The following SHC2 variants were observed in gnomAD, a reference collection of about 807,000 sequenced individuals.
SHC2 encodes SHC adaptor protein 2.
In SHC2, 62 loss-of-function variants were observed where a neutral mutation model predicts 60.6. The observed-to-expected ratio is 1.02, with a 90% CI of 0.83 to 1.26. The LOEUF (loss-of-function observed/expected upper bound fraction) is 1.26, where lower values mean the gene tolerates loss of function less well. Among genes scored for constraint, SHC2 ranks in the 50% most tolerant of loss-of-function variants. SHC2 has a pLI of 0.00. For missense variants in SHC2, 873 were observed against 822.2 expected (o/e 1.06, Z -0.76); for synonymous variants, 375 against 372.4 (o/e 1.01, Z -0.08).
At chr19:456,443 C>T (rs1017954953) in intron 1 of SHC2, among the ~76,000 whole-genome samples, 1 of 152,160 alleles carries the variant, frequency 6.6e-6, no homozygotes, top group East Asian at 1.9e-4. Context: ...GGGCCACCGC[C>T]GTCCCTCGCA....
rs1407271134 is a variant in SHC2, at chr19:438,192, GTCTCGAAC to G, written c.720+518_720+525del. On this transcript the variant is annotated intron_variant, in intron 4 of 12. Coordinates refer to ENST00000264554, the MANE Select transcript of SHC2 (RefSeq NM_012435.3). The surrounding 1 kb of genome is among the most constrained non-coding windows in gnomAD (Gnocchi z 5.0). ...AGAGTCAGCCATGTTGGCCAGGCTG[GTCTCGAAC>G]TCCTGACCTCAAGTGATCTGCCCAC... Among the ~76,000 whole-genome samples the G allele has an allele frequency of 6.6e-6, 1 of 152,130 alleles. No homozygotes were observed. The highest frequency in any genetic ancestry group is 1.5e-5 in the Non-Finnish European group (1 of 68,020).
rs980454215 is a variant in SHC2, at chr19:448,603, C to A, written c.469-7671G>T. Among the ~76,000 whole-genome samples the A allele has an allele frequency of 5.3e-5, 8 of 152,318 alleles. No individual in the cohort carries two copies. The East Asian group carries it at 1.3e-3, about 26-fold the overall frequency. ...GAGTTTTGGGGAACACCGTTCGCCC[C>A]AGGACACTAGGTGATCAAAGTCTCC... On this transcript the variant is annotated intron_variant, in intron 1 of 12. Transcript: ENST00000264554.
intron 9 of SHC2, among the ~76,000 whole-genome samples, chr19:429,096 A>G (rs1321735063): frequency 2.0e-5 from 3 of 148,876 alleles, no homozygotes; most frequent in African/African-American, 7.5e-5. Flanking sequence ...ATGATGCGGT[A>G]CCTATACCCA....
chr19:434,971 AG>A (rs1974683447), intron 7 of SHC2, 106 bp from the exon 8 acceptor site: 1 of 1,159,542 alleles, frequency 8.6e-7, no homozygotes, highest in South Asian at 2.2e-5. Flanking sequence ...TTCGAATCCC[AG>A]CCCCCCACCT....
In SHC2 at chr19:425,220, C is replaced by G. The variant is rs966209861; in HGVS notation, c.1186G>C (p.Asp396His). The G allele has an allele frequency of 7.5e-7, 1 of 1,336,298 alleles. No individual in the cohort carries two copies. Among genetic ancestry groups the G allele is most frequent in the Non-Finnish European group, 9.7e-7 (1 of 1,033,938 alleles). The allele number at this position is 1,336,298 out of a possible 1,614,324, so 82.8% of individuals were successfully genotyped here. ...CGGGCGTCCGCCTGCACGTAGCCGT[C>G]CCCCGGTGGAGCTGGGGAGTGTAAA... ...VGSTGTAPPGDGYVQADARGP... is the reference protein window; with the variant it reads ...VGSTGTAPPGHGYVQADARGP... The change falls in exon 10 of 13, where the codon GAC becomes CAC. Residue 396 changes from aspartate to histidine, a missense_variant. By Grantham distance (81) the Asp-to-His change is moderately conservative. Coordinates refer to ENST00000264554, the MANE Select transcript of SHC2 (RefSeq NM_012435.3). The surrounding 1 kb of genome is among the most constrained non-coding windows in gnomAD (Gnocchi z 4.1).
chr19:458,969 T>C (rs569097205), intron 1 of SHC2, among the ~76,000 whole-genome samples: 1 of 152,142 alleles, frequency 6.6e-6, no homozygotes, highest in South Asian at 2.1e-4. Flanking sequence ...CAGGCTTTGG[T>C]GGGCCCGGGC....
At chr19:457,933 GGGGGAGGCGGAAGTGGGTCCC>G (rs1252162305) in intron 1 of SHC2, among the ~76,000 whole-genome samples, 2 of 152,154 alleles carry the variant, frequency 1.3e-5, no homozygotes, top group Non-Finnish European at 2.9e-5. Context: ...GCACAGACCC[GGGGGAGGCGGAAGTGGGTCCC>G]GGGGAGGCGG....
At chr19:423,666 T>TG (rs1427052966) in intron 10 of SHC2, among the ~76,000 whole-genome samples, 2 of 151,664 alleles carry the variant, frequency 1.3e-5, no homozygotes, top group African/African-American at 2.4e-5. Flanking sequence ...CTCCTGGTCC[T>TG]GGGGGGTCCT....
Position 431,119 on chromosome 19 carries a change from G to T in SHC2, c.1111-372C>A, listed in dbSNP as rs115368932. ...AGGCCTCCGGACCGCCCTACAGAGT[G>T]TATGTCCCCATGGACATCCTCACTG... On this transcript the variant is annotated intron_variant, in intron 8 of 12. Coordinates refer to ENST00000264554, the MANE Select transcript of SHC2 (RefSeq NM_012435.3). Among the ~76,000 whole-genome samples, 197 of 152,364 alleles carry T rather than the reference G, an allele frequency of 1.3e-3. 1 individual carries two copies. The highest frequency in any genetic ancestry group is 4.5e-3 in the African/African-American group (187 of 41,576).
chr19:422,241 C>A lies in SHC2; in HGVS notation c.1525G>T (p.Val509Leu). The A allele has an allele frequency of 6.2e-7, 1 of 1,612,490 alleles. No individual in the cohort carries two copies. Among genetic ancestry groups the A allele is most frequent in the East Asian group, 2.2e-5 (1 of 44,866 alleles). Residue 509 changes from valine to leucine, a missense_variant, in exon 11 of 13, where the codon GTG (valine) becomes TTG (leucine). Physicochemically the swap from Val to Leu is conservative, Grantham distance 32. Coordinates refer to ENST00000264554, the MANE Select transcript of SHC2 (RefSeq NM_012435.3). This position sits in a 1 kb window ranked among gnomAD's most constrained non-coding sequence, Gnocchi z 5.0. ...CCGGGGTTGGTGACGCTGTCTCGCA[C>A]AAGGAAGTCCCCGTCAGCTCGAAGC... is the stretch of plus-strand genomic sequence containing the variant. ...RMLRADGDFL[V>L]RDSVTNPGQY...
rs143284386 is a variant in SHC2, at chr19:420,528, G to C, written c.1621-1472C>G. On this transcript the variant is annotated intron_variant, in intron 11 of 12. Coordinates refer to ENST00000264554, the MANE Select transcript of SHC2 (RefSeq NM_012435.3). ...TAAACCCTAGAACTCCTTGTAAATTGGAAAATGCTTTGTAAACCTTTAAAT... is the reference window on the plus strand; with the variant it reads ...TAAACCCTAGAACTCCTTGTAAATTCGAAAATGCTTTGTAAACCTTTAAAT... Among the ~76,000 whole-genome samples the C allele has an allele frequency of 6.0e-3, 918 of 152,282 alleles. 4 individuals are homozygous for C. The highest frequency in any genetic ancestry group is 8.0e-3 in the African/African-American group (333 of 41,544).
chr19:426,498 A>G (rs1422960247), intron 9 of SHC2, among the ~76,000 whole-genome samples: 35 of 36,546 alleles, frequency 9.6e-4, no homozygotes, highest in Non-Finnish European at 1.2e-3. Context: ...GGACGACAGC[A>G]CGAGAGGCAG....
At chr19:439,778 C>T (rs955787304) in intron 2 of SHC2, among the ~76,000 whole-genome samples, 6 of 152,100 alleles carry the variant, frequency 3.9e-5, no homozygotes, top group African/African-American at 1.4e-4. Flanking sequence ...GTCATCCCAA[C>T]ACTTGGGGAG....
intron 9 of SHC2, among the ~76,000 whole-genome samples, chr19:426,947 A>G (rs950371891): frequency 1.3e-5 from 2 of 151,990 alleles, no homozygotes; most frequent in African/African-American, 2.4e-5. Context: ...CATTTGTAGG[A>G]GTTCTTGGCC....
intron 1 of SHC2, among the ~76,000 whole-genome samples, chr19:460,225 G>A (rs1403585368): frequency 3.9e-5 from 6 of 152,080 alleles, no homozygotes; most frequent in Admixed American, 2.6e-4. Context: ...CGCCCCGGCC[G>A]CTCGCCGCTC....
At chr19:460,260 T>TA (rs1555710996) in intron 1 of SHC2, among the ~76,000 whole-genome samples, 1 of 151,670 alleles carries the variant, frequency 6.6e-6, no homozygotes, top group African/African-American at 2.4e-5. Context: ...CCAGTCCGAG[T>TA]GGGGGGCGGT....
chr19:442,956 TG>T (rs1444942568), intron 1 of SHC2, among the ~76,000 whole-genome samples: 133 of 102,502 alleles, frequency 1.3e-3, no homozygotes, highest in Non-Finnish European at 1.4e-3. Flanking sequence ...AATGGATGGA[TG>T]GACGGGTGGG....
chr19:418,146 G>A (rs192066986), intron 12 of SHC2, among the ~76,000 whole-genome samples: 1 of 152,240 alleles, frequency 6.6e-6, no homozygotes, highest in African/African-American at 2.4e-5. Flanking sequence ...ACCAAAAGTG[G>A]AGGCCTGGGG....
At chr19:419,393 C>G (rs1332065694) in intron 11 of SHC2, 2 of 241,258 alleles carry the variant, frequency 8.3e-6, no homozygotes, top group African/African-American at 4.5e-5. Flanking sequence ...GGTCAAGGGT[C>G]CTGGGACGAA....
Sources: gnomAD v4.1 joint callset for allele counts (sites outside exome capture counted in the v4.1 genomes callset) on GRCh38, gnomAD v4.1.1 for gene constraint, Gnocchi (gnomAD v3.1) non-coding constraint, MANE v1.5 for transcripts, NCBI Gene and HGNC (gene_info 2026-07-23, HGNC 2026-07-21) for gene names.